The following FBXL17 variants were observed in gnomAD, a reference collection of about 807,000 sequenced individuals.
FBXL17 encodes the protein F-box and leucine rich repeat protein 17.
In FBXL17, 22 loss-of-function variants were observed where a neutral mutation model predicts 66.2. That is an observed-to-expected ratio of 0.33 (90% confidence interval 0.24 to 0.47). The LOEUF (loss-of-function observed/expected upper bound fraction) is 0.47. Among genes scored for constraint, FBXL17 ranks in the 20% least tolerant of loss-of-function variants. The pLI is 1.00. For synonymous variants in FBXL17, 474 were observed against 400.5 expected (o/e 1.18, Z -2.19); for missense variants, 878 against 948.2 (o/e 0.93, Z 0.97).
chr5:107,950,331 T>C (rs1480956136), intron 7 of FBXL17, among the ~76,000 whole-genome samples: 1 of 152,184 alleles, frequency 6.6e-6, no homozygotes, highest in African/African-American at 2.4e-5. Flanking sequence ...AATAAAAATA[T>C]ATAGTAATCT....
At chr5:108,010,901 AC>A (rs1754150720) in intron 7 of FBXL17, among the ~76,000 whole-genome samples, 2 of 152,200 alleles carry the variant, frequency 1.3e-5, no homozygotes, top group Non-Finnish European at 2.9e-5. Flanking sequence ...ACAATTACAT[AC>A]CATTCCTGCC....
intron 1 of FBXL17, among the ~76,000 whole-genome samples, chr5:108,379,531 A>C (rs2112661813): frequency 6.6e-6 from 1 of 152,344 alleles, no homozygotes; most frequent in South Asian, 2.1e-4. Flanking sequence ...CCAAACACAC[A>C]GTACTGTAAA....
Position 108,381,278 on chromosome 5 carries a change from G to A in FBXL17, c.414C>T (p.Ala138=), listed in dbSNP as rs777684800. Residue 138 remains alanine (A), a synonymous_variant, in exon 1 of 9, where the codon GCC becomes GCT. Coordinates refer to ENST00000542267, the MANE Select transcript of FBXL17 (RefSeq NM_001163315.3). The stretch of plus-strand genomic sequence containing the variant: ...CCAGCCCCAACTCTTTGCAGCAGGA[G>A]GCGGGCGACGAAGCCGAGGCGGCAG... The part of the protein sequence containing the change: ...AAAAASASSP[A]SCCKELGLAA... 5.6e-5 allele frequency: 80 copies of A among 1,420,154 alleles called. 1 individual carries two copies. In the South Asian group the frequency reaches 5.9e-4, roughly 10 times the overall value. 88.0% of individuals were successfully genotyped at this position (1,420,154 alleles called of 1,614,324 possible).
intron 4 of FBXL17, among the ~76,000 whole-genome samples, chr5:108,293,440 T>G (rs1758204172): frequency 1.3e-5 from 2 of 152,186 alleles, no homozygotes; most frequent in African/African-American, 4.8e-5. Context: ...AAAATAATAT[T>G]GGAATACTTC....
intron 6 of FBXL17, among the ~76,000 whole-genome samples, chr5:108,037,416 T>C (rs904370140): frequency 2.6e-5 from 4 of 152,184 alleles, no homozygotes; most frequent in African/African-American, 9.6e-5. Context: ...TGGGATTTGC[T>C]AGCGATTATT....
At chr5:108,011,147 G>A (rs1010840628) in intron 7 of FBXL17, among the ~76,000 whole-genome samples, 1 of 152,180 alleles carries the variant, frequency 6.6e-6, no homozygotes, top group African/African-American at 2.4e-5. Context: ...GTTGGGACAT[G>A]TTTGTTTTGT....
chr5:108,189,606 A>G (rs1207357335), intron 5 of FBXL17, among the ~76,000 whole-genome samples: 1 of 152,150 alleles, frequency 6.6e-6, no homozygotes, highest in Admixed American at 6.6e-5. Flanking sequence ...TGTGGACAGG[A>G]CCCACGATTA....
intron 7 of FBXL17, among the ~76,000 whole-genome samples, chr5:107,924,542 C>T (rs1232090207): frequency 6.6e-6 from 1 of 152,134 alleles, no homozygotes; most frequent in African/African-American, 2.4e-5. Flanking sequence ...CAGTACTAAT[C>T]CTCTATAAAA....
chr5:108,069,904 A>T (rs1748265297), intron 6 of FBXL17, among the ~76,000 whole-genome samples: 2 of 152,154 alleles, frequency 1.3e-5, no homozygotes, highest in African/African-American at 4.8e-5. Flanking sequence ...TTGAAGCTAG[A>T]CAGCACTCCA....
At chr5:108,107,219 G>C (rs1749834547) in intron 6 of FBXL17, among the ~76,000 whole-genome samples, 1 of 152,058 alleles carries the variant, frequency 6.6e-6, no homozygotes. Flanking sequence ...TTACAGGCAT[G>C]TGCCACCACG....
At chr5:108,335,029 A>G (rs1463576414) in intron 4 of FBXL17, among the ~76,000 whole-genome samples, 1 of 152,222 alleles carries the variant, frequency 6.6e-6, no homozygotes, top group African/African-American at 2.4e-5. Context: ...AATCAAAAAT[A>G]AATTCCACTA....
chr5:108,143,195 TG>T (rs1268870944), intron 6 of FBXL17, among the ~76,000 whole-genome samples: 2 of 151,954 alleles, frequency 1.3e-5, no homozygotes, highest in Non-Finnish European at 2.9e-5. Flanking sequence ...CCAAAAAGGT[TG>T]GGGACCACTG....
chr5:108,071,085 A>T (rs1748312502), intron 6 of FBXL17, among the ~76,000 whole-genome samples: 1 of 152,244 alleles, frequency 6.6e-6, no homozygotes, highest in African/African-American at 2.4e-5. Context: ...AAAATAAAAG[A>T]ACAATTTGTG....
At chr5:108,180,179 T>G (rs1272597137) in intron 6 of FBXL17, among the ~76,000 whole-genome samples, 1 of 152,188 alleles carries the variant, frequency 6.6e-6, no homozygotes, top group Non-Finnish European at 1.5e-5. Flanking sequence ...CCCAGAAGTT[T>G]GCAACTTCAA....
At chr5:108,002,910 C>T (rs775093238) in intron 7 of FBXL17, among the ~76,000 whole-genome samples, 8 of 151,964 alleles carry the variant, frequency 5.3e-5, no homozygotes, top group Non-Finnish European at 7.4e-5. Flanking sequence ...TGAACAGGAA[C>T]GGTGATTAAC....
At chr5:108,351,208 A>C (rs1269614016) in intron 3 of FBXL17, among the ~76,000 whole-genome samples, 1 of 152,218 alleles carries the variant, frequency 6.6e-6, no homozygotes, top group African/African-American at 2.4e-5. Context: ...ATAGAATGTA[A>C]ATACTGAATA....
intron 6 of FBXL17, among the ~76,000 whole-genome samples, chr5:108,177,700 G>C (rs563455373): frequency 4.3e-4 from 65 of 151,952 alleles, no homozygotes; most frequent in South Asian, 1.5e-3. Context: ...CCACAAAAAT[G>C]GGTTCCAGTC....
intron 4 of FBXL17, among the ~76,000 whole-genome samples, chr5:108,327,701 T>C (rs748679204): frequency 1.5e-4 from 23 of 152,154 alleles, no homozygotes; most frequent in Admixed American, 3.3e-4. Flanking sequence ...GAACCTCAAA[T>C]ACATAAAGCA....
intron 4 of FBXL17, among the ~76,000 whole-genome samples, chr5:108,286,138 A>G (rs2150156011): frequency 6.6e-6 from 1 of 152,130 alleles, no homozygotes; most frequent in East Asian, 1.9e-4. Flanking sequence ...GAAGAAACAT[A>G]CTTCAAAATA....
Sources: allele counts gnomAD v4.1 joint callset (sites outside exome capture counted in the v4.1 genomes callset), GRCh38; gene constraint gnomAD v4.1.1; transcripts MANE v1.5; gene names NCBI Gene and HGNC (gene_info 2026-07-23, HGNC 2026-07-21).